The following FBXO34 variants were observed in gnomAD, a reference collection of about 807,000 sequenced individuals.
The protein encoded by FBXO34 is F-box protein 34.
Under a neutral mutation model 24.5 loss-of-function variants are expected in FBXO34, and 12 were observed. That is an observed-to-expected ratio of 0.49 (90% CI 0.31 to 0.79). FBXO34 has a LOEUF of 0.79. Among genes scored for constraint, FBXO34 ranks in the 30% least tolerant of loss-of-function variants. The probability of loss-of-function intolerance (pLI) is 0.04; values close to 1 mark genes in which losing one functional copy is unlikely to be tolerated. For missense variants in FBXO34, 823 were observed against 857.7 expected, an observed-to-expected ratio of 0.96 and a Z score of 0.51; for synonymous variants, 320 against 311.9, an observed-to-expected ratio of 1.03 and a Z score of -0.27.
chr14:55,284,621 CTT>C lies in FBXO34; in HGVS notation c.-11+13100_-11+13101del, dbSNP rs60464365. ...TTTGTGGTTACCTAAAATTTTGTTA[CTT>C]TTTTTTTTTTTTTTTGAAACAGGGT... On this transcript the variant is annotated intron_variant, in intron 1 of 1. Coordinates refer to ENST00000313833, the MANE Select transcript of FBXO34 (RefSeq NM_017943.4). 2.1e-3 allele frequency among the ~76,000 whole-genome samples: 270 copies of C among 126,336 alleles called. 3 individuals are homozygous for C. The highest frequency in any genetic ancestry group is 0.014 in the East Asian group (66 of 4,638). The allele number at this position is 126,336 out of a possible 152,430, so 82.9% of individuals were successfully genotyped here.
the FBXO34 span, chr14:55,440,528 C>A: frequency 9.3e-6 from 15 of 1,607,352 alleles, no homozygotes; most frequent in Non-Finnish European, 1.2e-5. Context: ...CCCGCTCCGG[C>A]CAGGGCGCAG....
At position 55,341,164 on chromosome 14, in the gene FBXO34, G is replaced by A. The variant is rs531566971; in HGVS notation, c.-10-9217G>A. Among the ~76,000 whole-genome samples the A allele has an allele frequency of 1.3e-5, 2 of 152,318 alleles. 1 individual carries two copies. Among genetic ancestry groups the A allele is most frequent in the African/African-American group, 4.8e-5 (2 of 41,574 alleles). On this transcript the variant is annotated intron_variant, in intron 1 of 1. Transcript: ENST00000313833. ...TGGGCAAGGAGCAGGATAGGGGTCAGTTGAAGGTAAACTACTAAGAGGAAA... is the reference window on the plus strand; with the variant it reads ...TGGGCAAGGAGCAGGATAGGGGTCAATTGAAGGTAAACTACTAAGAGGAAA...
At chr14:55,335,463 A>G (rs7150234) in intron 1 of FBXO34, 46,689 of 152,040 alleles carry the variant, frequency 0.31, 7,497 homozygotes, top group Non-Finnish European at 0.34. Context: ...TCTGTGACTT[A>G]TATTTCTTTT....
In FBXO34 at chr14:55,312,244, T is replaced by C. The variant is rs72715785; in HGVS notation, c.-10-38137T>C. Among the ~76,000 whole-genome samples the C allele has an allele frequency of 2.5e-3, 382 of 152,096 alleles. 2 individuals are homozygous for C. Among genetic ancestry groups the C allele is most frequent in the Non-Finnish European group, 3.1e-3 (214 of 67,966 alleles). ...AAAAAACCTTAAAGTTCCAAAATGATCTCCATGTCTCACATCCAGGTCACA... is the reference window on the plus strand; with the variant it reads ...AAAAAACCTTAAAGTTCCAAAATGACCTCCATGTCTCACATCCAGGTCACA... On this transcript the variant is annotated intron_variant, in intron 1 of 1. Coordinates refer to ENST00000313833, the MANE Select transcript of FBXO34 (RefSeq NM_017943.4).
the FBXO34 span, among the ~76,000 whole-genome samples, chr14:55,423,902 T>C: frequency 6.6e-6 from 1 of 152,346 alleles, no homozygotes; most frequent in East Asian, 1.9e-4. Flanking sequence ...AAGCCATATA[T>C]GTTATCATGG....
At chr14:55,431,732 C>G in the FBXO34 span, among the ~76,000 whole-genome samples, 3 of 151,978 alleles carry the variant, frequency 2.0e-5, no homozygotes, top group African/African-American at 7.3e-5. Context: ...ATCTGAGTAC[C>G]GACTGATCAT....
At chr14:55,364,145 C>T (rs1884630709), downstream of FBXO34, among the ~76,000 whole-genome samples, 2 of 151,902 alleles carry the variant, frequency 1.3e-5, 1 homozygote, top group East Asian at 3.9e-4. Flanking sequence ...GACCGGGTTT[C>T]TCCATGTTGG....
the FBXO34 span, among the ~76,000 whole-genome samples, chr14:55,379,201 A>T: frequency 2.0e-5 from 3 of 152,212 alleles, no homozygotes; most frequent in African/African-American, 7.2e-5. Flanking sequence ...TTACATAACT[A>T]AAAATTTTAA....
At chr14:55,389,835 G>A in the FBXO34 span, among the ~76,000 whole-genome samples, 589 of 152,282 alleles carry the variant, frequency 3.9e-3, 4 homozygotes, top group Middle Eastern at 0.014. Context: ...GGGGCAAATG[G>A]GAAGTGGCTT....
At chr14:55,305,347 G>A (rs1231385272) in intron 1 of FBXO34, among the ~76,000 whole-genome samples, 1 of 151,686 alleles carries the variant, frequency 6.6e-6, no homozygotes, top group Non-Finnish European at 1.5e-5. Context: ...CCCGGGAGGT[G>A]GGGGTTGCAG....
At chr14:55,426,307 T>C in the FBXO34 span, among the ~76,000 whole-genome samples, 1 of 151,520 alleles carries the variant, frequency 6.6e-6, no homozygotes, top group Non-Finnish European at 1.5e-5. Context: ...GAGGGAAAAA[T>C]TCTCATTGAC....
chr14:55,374,670 G>A (rs576130109), downstream of FBXO34, among the ~76,000 whole-genome samples: 7 of 152,078 alleles, frequency 4.6e-5, no homozygotes, highest in Admixed American at 1.3e-4. Context: ...TTTAAATAAG[G>A]TTTTTTATAT....
At chr14:55,415,820 C>T in the FBXO34 span, among the ~76,000 whole-genome samples, 10 of 152,032 alleles carry the variant, frequency 6.6e-5, no homozygotes, top group Non-Finnish European at 7.4e-5. Flanking sequence ...GAGCAGAGTT[C>T]GCACCATTAC....
chr14:55,341,037 G>C (rs1454489269), intron 1 of FBXO34, among the ~76,000 whole-genome samples: 1 of 152,124 alleles, frequency 6.6e-6, no homozygotes, highest in Non-Finnish European at 1.5e-5. Context: ...TGTTAAAGGT[G>C]GGCAAAAAAG....
chr14:55,284,471 C>T (rs552579890), intron 1 of FBXO34, among the ~76,000 whole-genome samples: 2 of 140,496 alleles, frequency 1.4e-5, no homozygotes, highest in Admixed American at 7.4e-5. Flanking sequence ...GAGGTTGTGC[C>T]ATTGCACTCC....
intron 1 of FBXO34, among the ~76,000 whole-genome samples, chr14:55,323,225 A>ATATATT (rs1555337925): frequency 1.0e-3 from 20 of 19,204 alleles, no homozygotes; most frequent in East Asian, 7.0e-3. Context: ...AAAAATATAT[A>ATATATT]TTTTTTTTTT....
the FBXO34 span, chr14:55,414,321 T>C: frequency 1.6e-6 from 2 of 1,278,816 alleles, no homozygotes; most frequent in Non-Finnish European, 1.1e-6. Context: ...CAGCTGTTTC[T>C]GTGCTGGGCT....
chr14:55,283,489 C>G (rs1881632347), intron 1 of FBXO34, among the ~76,000 whole-genome samples: 1 of 140,782 alleles, frequency 7.1e-6, no homozygotes, highest in Non-Finnish European at 1.5e-5. Context: ...TTTTTTGAGA[C>G]AGTCTCACTC....
chr14:55,307,335 G>C (rs545794476), intron 1 of FBXO34, among the ~76,000 whole-genome samples: 1 of 152,286 alleles, frequency 6.6e-6, no homozygotes, highest in African/African-American at 2.4e-5. Flanking sequence ...ATTTGTCACT[G>C]CAACTTTAAG....
Sources: allele counts gnomAD v4.1 joint callset (sites outside exome capture counted in the v4.1 genomes callset), GRCh38; gene constraint gnomAD v4.1.1; transcripts MANE v1.5; gene names NCBI Gene and HGNC (gene_info 2026-07-23, HGNC 2026-07-21).